DLG2: variants seen among roughly 807,000 people sequenced by gnomAD.
DLG2 encodes the protein discs large MAGUK scaffold protein 2.
Under a neutral mutation model 132.5 loss-of-function variants are expected in DLG2, and 45 were observed. That is an observed-to-expected ratio of 0.34 (90% CI 0.27 to 0.44). The LOEUF is 0.44. Ranked by LOEUF, DLG2 falls within the 20% of genes least tolerant of loss-of-function variation. DLG2 has a pLI of 1.00. For synonymous variants in DLG2, 424 were observed against 419.6 expected, an observed-to-expected ratio of 1.01 and a Z score of -0.13; for missense variants, 1,045 against 1,196.9, an observed-to-expected ratio of 0.87 and a Z score of 1.87.
intron 3 of DLG2, among the ~76,000 whole-genome samples, chr11:85,394,941 T>C (rs1377658022): frequency 6.6e-6 from 1 of 152,228 alleles, no homozygotes; most frequent in Non-Finnish European, 1.5e-5. Context: ...ATTAATTGTC[T>C]TGCTGGAACA....
intron 3 of DLG2, among the ~76,000 whole-genome samples, chr11:85,584,816 T>C (rs2078859765): frequency 6.6e-6 from 1 of 152,230 alleles, no homozygotes; most frequent in Admixed American, 6.5e-5. Context: ...GAATTATCTA[T>C]TCATATCCTT....
chr11:83,894,370 CT>C (rs914508484), intron 15 of DLG2, among the ~76,000 whole-genome samples: 9 of 152,132 alleles, frequency 5.9e-5, no homozygotes, highest in Admixed American at 5.9e-4. Context: ...CAAAAATAGA[CT>C]GAACACTATT....
intron 4 of DLG2, among the ~76,000 whole-genome samples, chr11:85,263,418 T>C (rs140058275): frequency 1.8e-3 from 275 of 152,276 alleles, no homozygotes; most frequent in African/African-American, 6.4e-3. Flanking sequence ...TTTGCCCTGG[T>C]TGAGCTGCCA....
At chr11:84,861,317 G>C (rs1566181531) in intron 6 of DLG2, among the ~76,000 whole-genome samples, 2 of 151,992 alleles carry the variant, frequency 1.3e-5, no homozygotes, top group South Asian at 2.1e-4. Flanking sequence ...ACAGCAGTAG[G>C]TTTATAGTTG....
chr11:84,757,514 T>C (rs2153837830), intron 6 of DLG2, among the ~76,000 whole-genome samples: 1 of 152,274 alleles, frequency 6.6e-6, no homozygotes, highest in Middle Eastern at 3.4e-3. Flanking sequence ...TTATTTTCTG[T>C]CCATGTTGCC....
At chr11:85,234,703 T>C (rs1237457860) in intron 4 of DLG2, among the ~76,000 whole-genome samples, 1 of 152,014 alleles carries the variant, frequency 6.6e-6, no homozygotes, top group East Asian at 1.9e-4. Flanking sequence ...CCATAACACC[T>C]TGGGTTAAGA....
At chr11:84,278,955 G>C (rs2097820722) in intron 7 of DLG2, among the ~76,000 whole-genome samples, 1 of 152,020 alleles carries the variant, frequency 6.6e-6, no homozygotes, top group South Asian at 2.1e-4. Flanking sequence ...GGCAACAAAA[G>C]CCAAAATAGA....
At chr11:83,564,483 T>A (rs528586285) in intron 19 of DLG2, among the ~76,000 whole-genome samples, 1 of 152,160 alleles carries the variant, frequency 6.6e-6, no homozygotes, top group Non-Finnish European at 1.5e-5. Flanking sequence ...TAAGTTTCAT[T>A]TTCTGTTTAG....
intron 6 of DLG2, among the ~76,000 whole-genome samples, chr11:84,678,548 C>G (rs2099720759): frequency 6.6e-6 from 1 of 152,048 alleles, no homozygotes; most frequent in Non-Finnish European, 1.5e-5. Flanking sequence ...GCTTCATTGT[C>G]TATACTGATG....
At chr11:83,470,227 A>G (rs944955849) in intron 24 of DLG2, among the ~76,000 whole-genome samples, 13 of 152,184 alleles carry the variant, frequency 8.5e-5, no homozygotes, top group African/African-American at 3.1e-4. Context: ...AATGTTCATA[A>G]AGAATGATTA....
rs146743008 is a variant in DLG2, at chr11:84,126,083, T to C, written c.625-27036A>G. Among the ~76,000 whole-genome samples, 58 of 152,276 alleles carry C rather than the reference T, an allele frequency of 3.8e-4. No individual in the cohort carries two copies. In the East Asian group the frequency reaches 0.01, roughly 26 times the overall value. On this transcript the variant is annotated intron_variant, in intron 9 of 27. Transcript: ENST00000376104. Reference sequence around the variant, plus strand: ...TCAAATCCCGTTTGATTAAACAACATGGAGGTCATTGGAAACCTTAGTAAG... The same window carrying C: ...TCAAATCCCGTTTGATTAAACAACACGGAGGTCATTGGAAACCTTAGTAAG...
chr11:84,648,626 C>A (rs1055858268), intron 6 of DLG2, among the ~76,000 whole-genome samples: 2 of 152,052 alleles, frequency 1.3e-5, no homozygotes, highest in Non-Finnish European at 2.9e-5. Flanking sequence ...GGGTGCCTTC[C>A]TTTTGGTAAT....
chr11:85,179,417 G>C (rs928566622), intron 4 of DLG2, among the ~76,000 whole-genome samples: 1 of 151,860 alleles, frequency 6.6e-6, no homozygotes, highest in Admixed American at 6.6e-5. Context: ...AGTCAAATAT[G>C]AAGTATTGTA....
intron 21 of DLG2, among the ~76,000 whole-genome samples, chr11:83,495,495 T>C (rs572285610): frequency 2.0e-5 from 3 of 152,296 alleles, no homozygotes; most frequent in African/African-American, 7.2e-5. Flanking sequence ...GTTGAGTTAG[T>C]ATCCTTCTCT....
chr11:84,781,506 C>A (rs115422671), intron 6 of DLG2, among the ~76,000 whole-genome samples: 5 of 151,568 alleles, frequency 3.3e-5, no homozygotes, highest in African/African-American at 9.7e-5. Flanking sequence ...AGGAAAACGA[C>A]CTAATACATG....
At chr11:85,315,492 C>T (rs906654998) in intron 3 of DLG2, among the ~76,000 whole-genome samples, 3 of 151,964 alleles carry the variant, frequency 2.0e-5, no homozygotes, top group African/African-American at 7.2e-5. Flanking sequence ...ACCCTGGAGT[C>T]ATCACCTGGT....
At chr11:84,545,751 C>CTTT (rs35596423) in intron 6 of DLG2, 251 of 106,686 alleles carry the variant, frequency 2.4e-3, no homozygotes, top group South Asian at 3.3e-3. Flanking sequence ...AGGTGATGTT[C>CTTT]TTTTTTTTTT....
intron 6 of DLG2, among the ~76,000 whole-genome samples, chr11:84,788,576 ACGTATATAC>A (rs1310439874): frequency 2.0e-5 from 3 of 152,062 alleles, no homozygotes; most frequent in Non-Finnish European, 4.4e-5. Flanking sequence ...ACATTTTATA[ACGTATATAC>A]AATGTTTCCC....
In DLG2 at chr11:83,463,034, T is replaced by C. The variant is rs138639907; in HGVS notation, c.2730-941A>G. 3.7e-3 allele frequency among the ~76,000 whole-genome samples: 557 copies of C among 152,304 alleles called. 3 individuals are homozygous for C. Among genetic ancestry groups the C allele is most frequent in the African/African-American group, 9.1e-3 (377 of 41,572 alleles). On this transcript the variant is annotated intron_variant, in intron 26 of 27. Coordinates refer to ENST00000376104, the MANE Select transcript of DLG2 (RefSeq NM_001142699.3). ...TAGAATTTCTGAAATCATTACCGTC[T>C]TGCATGCTGCTTAGGAAGCCAGAGA...
Sources: allele counts gnomAD v4.1 joint callset (sites outside exome capture counted in the v4.1 genomes callset), GRCh38; gene constraint gnomAD v4.1.1; transcripts MANE v1.5; gene names NCBI Gene and HGNC (gene_info 2026-07-23, HGNC 2026-07-21).